GALNT7: variants seen among roughly 807,000 people sequenced by gnomAD.
GALNT7 encodes the protein polypeptide N-acetylgalactosaminyltransferase 7.
A neutral mutation model predicts 82.1 loss-of-function variants in GALNT7; 60 were observed. The ratio of observed to expected loss-of-function variants is 0.73; its 90% CI spans 0.59 to 0.91. The LOEUF (loss-of-function observed/expected upper bound fraction) is 0.91, where lower values mean the gene tolerates loss of function less well. GALNT7 is among the 40% of genes least tolerant of loss of function. GALNT7 has a pLI of 0.00. For missense variants in GALNT7, 660 were observed against 804.2 expected (o/e 0.82, Z 2.17); for synonymous variants, 243 against 275.1 (o/e 0.88, Z 1.15).
chr4:173,297,902 G>A, intron 5 of GALNT7: 1 of 1,504,658 alleles, frequency 6.6e-7, no homozygotes, highest in Non-Finnish European at 8.8e-7. Flanking sequence ...GCCTGGGACT[G>A]GAGTTTACTA....
At chr4:173,304,248 TTAGC>T in intron 8 of GALNT7, 130 bp downstream of exon 8, 1 of 644,214 alleles carries the variant, frequency 1.6e-6, no homozygotes, top group East Asian at 3.0e-5. Flanking sequence ...CACCTTTAAC[TTAGC>T]TAGACTTATT....
intron 8 of GALNT7, among the ~76,000 whole-genome samples, chr4:173,310,956 G>T (rs370418111): frequency 6.6e-6 from 1 of 152,082 alleles, no homozygotes; most frequent in Non-Finnish European, 1.5e-5. Context: ...GGCTGGTCTC[G>T]AACTCTGCCT....
rs1025014687 is a variant in GALNT7 at position 173,302,929 on chromosome 4, G to A, written c.1266+765G>A. Among the ~76,000 whole-genome samples, 11 of 152,222 alleles carry A rather than the reference G, an allele frequency of 7.2e-5. No homozygotes were observed. Among genetic ancestry groups the A allele is most frequent in the African/African-American group, 1.4e-4 (6 of 41,462 alleles). The stretch of plus-strand genomic sequence containing the variant: ...GTGCTTAAAAAACCGTCGGCCAGGC[G>A]CTCATGCCTATAAACCCATCACTTT... On this transcript the variant is annotated intron_variant, in intron 7 of 11. Coordinates refer to ENST00000265000, the MANE Select transcript of GALNT7 (RefSeq NM_017423.3). The surrounding 1 kb of genome is among the most constrained non-coding windows in gnomAD (Gnocchi z 4.2).
chr4:173,220,178 T>C (rs2126686902), intron 1 of GALNT7, among the ~76,000 whole-genome samples: 1 of 152,306 alleles, frequency 6.6e-6, no homozygotes, highest in African/African-American at 2.4e-5. Context: ...TTGTATAAGG[T>C]GAGAGATGAG....
intron 2 of GALNT7, among the ~76,000 whole-genome samples, chr4:173,279,896 A>AC (rs576990961): frequency 2.1e-4 from 32 of 151,984 alleles, no homozygotes; most frequent in Non-Finnish European, 4.1e-4. Context: ...AATCACTTGA[A>AC]CCCGGGTGGC....
intron 1 of GALNT7, among the ~76,000 whole-genome samples, chr4:173,229,714 A>T (rs577094057): frequency 1.3e-5 from 2 of 152,308 alleles, no homozygotes; most frequent in East Asian, 3.9e-4. Context: ...CGTATGATGC[A>T]GGCAGAATCA....
intron 8 of GALNT7, among the ~76,000 whole-genome samples, chr4:173,312,788 A>G (rs58612091): frequency 0.091 from 13,823 of 152,288 alleles, 1,260 homozygotes; most frequent in African/African-American, 0.23. Flanking sequence ...GTCGGGGGCA[A>G]TGGCTCACGC....
Position 173,292,377 on chromosome 4 carries a change from C to T in GALNT7, c.754+103C>T. The T allele has an allele frequency of 1.5e-6, 1 of 669,256 alleles. No individual in the cohort carries two copies. The highest frequency in any genetic ancestry group is 2.5e-6 in the Non-Finnish European group (1 of 395,004). The allele number at this position is 669,256 out of a possible 1,614,324, so 41.5% of individuals were successfully genotyped here. On this transcript the variant is annotated intron_variant, in intron 3 of 11. Coordinates refer to ENST00000265000, the MANE Select transcript of GALNT7 (RefSeq NM_017423.3). The surrounding 1 kb of genome is among the most constrained non-coding windows in gnomAD (Gnocchi z 4.8). The stretch of plus-strand genomic sequence containing the variant: ...ATTAGCTTTAAAAAATTAATAGCAT[C>T]TATTGATAGCATCTGTTATCAACAA...
At chr4:173,184,634 G>C (rs945212853) in intron 1 of GALNT7, among the ~76,000 whole-genome samples, 21 of 149,764 alleles carry the variant, frequency 1.4e-4, no homozygotes, top group African/African-American at 4.9e-4. Flanking sequence ...GGGAGAGGGA[G>C]GGGGAGGGGG....
chr4:173,239,556 A>G (rs1173346098), intron 1 of GALNT7, among the ~76,000 whole-genome samples: 1 of 152,242 alleles, frequency 6.6e-6, no homozygotes, highest in Non-Finnish European at 1.5e-5. Flanking sequence ...CTGTGTAAAC[A>G]AAACAAAACA....
rs1474021678 is a variant in GALNT7, at chr4:173,179,517, G to T, written c.126+10556G>T. ...TAAGATATTCTTTAATGTGAGCAAG[G>T]TTTGCAAGTAGCTTTTTCAACTGTG... On this transcript the variant is annotated intron_variant, in intron 1 of 11. Transcript: ENST00000265000. Among the ~76,000 whole-genome samples the T allele has an allele frequency of 2.6e-5, 4 of 152,282 alleles. No individual in the cohort carries two copies. In the East Asian group the frequency reaches 7.7e-4, roughly 29 times the overall value.
intron 8 of GALNT7, among the ~76,000 whole-genome samples, chr4:173,311,433 G>T (rs939630893): frequency 1.3e-5 from 2 of 152,174 alleles, no homozygotes; most frequent in African/African-American, 4.8e-5. Context: ...GGTTTAATTG[G>T]CTCACAGTTC....
intron 8 of GALNT7, among the ~76,000 whole-genome samples, chr4:173,305,479 G>A (rs1737119378): frequency 6.6e-6 from 1 of 152,078 alleles, no homozygotes; most frequent in South Asian, 2.1e-4. Context: ...TTCTTTTGGG[G>A]TTGTTACATC....
Position 173,248,163 on chromosome 4 carries a change from C to T in GALNT7, c.310C>T (p.Gln104Ter), listed in dbSNP as rs775822008. ...AGAGCACCATGCTGGAGGAGATTCC[C>T]AGAAAGATATCATGCAGAGGCAGTA... is the stretch of plus-strand genomic sequence containing the variant. ...EQEHHAGGDS[Q>*]KDIMQRQYLT... is the part of the protein sequence containing the mutation. Residue 104 changes from glutamine (Q) to a stop codon, truncating the protein, a stop_gained, in exon 2 of 12, where the codon CAG becomes TAG. Transcript: ENST00000265000. LOFTEE classifies it high-confidence loss of function. 1.2e-6 allele frequency: 2 copies of T among 1,613,860 alleles called. No homozygotes were observed. Among genetic ancestry groups the T allele is most frequent in the Admixed American group, 3.3e-5 (2 of 59,954 alleles).
chr4:173,241,304 C>T (rs973082860), intron 1 of GALNT7, among the ~76,000 whole-genome samples: 2 of 151,576 alleles, frequency 1.3e-5, no homozygotes, highest in African/African-American at 4.9e-5. Context: ...CCTGTTAAGT[C>T]AGGCAAATCA....
intron 2 of GALNT7, among the ~76,000 whole-genome samples, chr4:173,285,123 A>G (rs544877752): frequency 6.6e-6 from 1 of 152,298 alleles, no homozygotes; most frequent in Non-Finnish European, 1.5e-5. Context: ...GCTTTATTTT[A>G]TCTAATTTAA....
Position 173,229,334 on chromosome 4 carries a change from G to T in GALNT7, c.127-18646G>T, listed in dbSNP as rs571073320. On this transcript the variant is annotated intron_variant, in intron 1 of 11. Transcript: ENST00000265000. ...AATTCTAGTTAGTAGTATTTTATTG[G>T]TTTGAAAATAAAGGAAATTTTTATT... Among the ~76,000 whole-genome samples the T allele has an allele frequency of 9.2e-5, 14 of 152,152 alleles. No homozygotes were observed. The South Asian group carries it at 2.7e-3, about 29-fold the overall frequency.
At chr4:173,229,243 C>T (rs74718357) in intron 1 of GALNT7, among the ~76,000 whole-genome samples, 1,630 of 152,176 alleles carry the variant, frequency 0.011, 28 homozygotes, top group East Asian at 0.057. Flanking sequence ...ATTCACCTAC[C>T]CTAGTGGGCG....
intron 1 of GALNT7, among the ~76,000 whole-genome samples, chr4:173,237,158 T>C (rs1478153130): frequency 1.3e-5 from 2 of 152,240 alleles, no homozygotes; most frequent in East Asian, 3.9e-4. Flanking sequence ...TTTAAAATGA[T>C]ACATCTGCCC....
Sources: gnomAD v4.1 joint callset for allele counts (sites outside exome capture counted in the v4.1 genomes callset) on GRCh38, gnomAD v4.1.1 for gene constraint, Gnocchi (gnomAD v3.1) non-coding constraint, MANE v1.5 for transcripts, NCBI Gene and HGNC (gene_info 2026-07-23, HGNC 2026-07-21) for gene names.